The following THRB variants were observed in gnomAD, a reference collection of about 807,000 sequenced individuals.
THRB encodes thyroid hormone receptor beta.
A neutral mutation model predicts 47.8 loss-of-function variants in THRB; 12 were observed. The ratio of observed to expected loss-of-function variants is 0.25; its 90% CI spans 0.16 to 0.41. The LOEUF (loss-of-function observed/expected upper bound fraction) is 0.41, where lower values mean the gene tolerates loss of function less well. Ranked by LOEUF, THRB falls within the 10% of genes least tolerant of loss-of-function variation. The probability of loss-of-function intolerance (pLI) is 1.00; values close to 1 mark genes in which losing one functional copy is unlikely to be tolerated. For missense variants in THRB, 348 were observed against 589.2 expected (o/e 0.59, Z 4.24); for synonymous variants, 218 against 212.2 (o/e 1.03, Z -0.24).
At chr3:24,349,573 G>GT (rs2063234950) in intron 1 of THRB, among the ~76,000 whole-genome samples, 1 of 152,092 alleles carries the variant, frequency 6.6e-6, no homozygotes, top group Non-Finnish European at 1.5e-5. Context: ...ATCATTAAAG[G>GT]TGACACTGCA....
rs879457499 is a variant in THRB at position 24,444,514 on chromosome 3, A to G, written c.-261+50138T>C. 4.1e-4 allele frequency among the ~76,000 whole-genome samples: 62 copies of G among 152,230 alleles called. 2 individuals are homozygous for G. Among genetic ancestry groups the G allele is most frequent in the South Asian group, 8.3e-4 (4 of 4,834 alleles). Reference sequence around the variant, plus strand: ...TCATATCACATAAGACTTGAAAAAGAGATATTTTGAAATTATTGAAAATTG... The same window carrying G: ...TCATATCACATAAGACTTGAAAAAGGGATATTTTGAAATTATTGAAAATTG... On this transcript the variant is annotated intron_variant, in intron 1 of 10. Coordinates refer to ENST00000646209, the MANE Select transcript of THRB (RefSeq NM_001354712.2).
At chr3:24,364,172 G>A (rs1483037099) in intron 1 of THRB, among the ~76,000 whole-genome samples, 1 of 152,126 alleles carries the variant, frequency 6.6e-6, no homozygotes, top group African/African-American at 2.4e-5. Flanking sequence ...AAAGCATATG[G>A]TGGTAAAAAA....
In THRB at chr3:24,140,792, G is replaced by T. The variant is rs575132330; in HGVS notation, c.738+2709C>A. ...TCTACCTCTCCCAGAGAGAGAACGG[G>T]CTGTGTATACAGAGATGAGAAATAA... On this transcript the variant is annotated intron_variant, in intron 8 of 10. Coordinates refer to ENST00000646209, the MANE Select transcript of THRB (RefSeq NM_001354712.2). Among the ~76,000 whole-genome samples the T allele has an allele frequency of 6.6e-5, 10 of 152,312 alleles. No individual in the cohort carries two copies. In the South Asian group the frequency reaches 1.7e-3, roughly 25 times the overall value.
intron 1 of THRB, among the ~76,000 whole-genome samples, chr3:24,380,507 C>T (rs927929389): frequency 6.6e-6 from 1 of 152,070 alleles, no homozygotes; most frequent in African/African-American, 2.4e-5. Flanking sequence ...GAATTCCTAT[C>T]CCTTTCAAGT....
chr3:24,156,441 T>C (rs2037849751), intron 5 of THRB, among the ~76,000 whole-genome samples: 1 of 152,202 alleles, frequency 6.6e-6, no homozygotes, highest in Non-Finnish European at 1.5e-5. Flanking sequence ...ATCTAAAATA[T>C]AAGGTGCTGC....
rs534847208 is a variant in THRB, at chr3:24,289,268, A to G, written c.-43+7958T>C. ...TTTAGGTAGACAACTTCACTATGAG[A>G]AAGATGTTTCATAAACTGTATCACA... On this transcript the variant is annotated intron_variant, in intron 3 of 10. Transcript: ENST00000646209. 3.3e-5 allele frequency among the ~76,000 whole-genome samples: 5 copies of G among 152,362 alleles called. No individual in the cohort carries two copies. The East Asian group carries it at 5.8e-4, about 18-fold the overall frequency.
chr3:24,312,178 C>T (rs1000562006), intron 2 of THRB, among the ~76,000 whole-genome samples: 4 of 152,226 alleles, frequency 2.6e-5, no homozygotes, highest in African/African-American at 7.2e-5. Flanking sequence ...TTTTCCTGAC[C>T]TCTCAAGTCA....
intron 5 of THRB, among the ~76,000 whole-genome samples, chr3:24,188,554 T>C (rs763346824): frequency 1.3e-5 from 2 of 152,054 alleles, no homozygotes; most frequent in Admixed American, 6.6e-5. Flanking sequence ...TGAATGAATA[T>C]TGGTATCAAT....
chr3:24,266,848 G>A (rs566453259), intron 3 of THRB, among the ~76,000 whole-genome samples: 1 of 152,024 alleles, frequency 6.6e-6, no homozygotes, highest in South Asian at 2.1e-4. Context: ...AAGATGAAAA[G>A]ATATAACATG....
rs573722141 is a variant in THRB at position 24,278,820 on chromosome 3, T to C, written c.-43+18406A>G. Among the ~76,000 whole-genome samples, 4 of 152,256 alleles carry C rather than the reference T, an allele frequency of 2.6e-5. No individual in the cohort carries two copies. In the East Asian group the frequency reaches 7.7e-4, roughly 29 times the overall value. On this transcript the variant is annotated intron_variant, in intron 3 of 10. Coordinates refer to ENST00000646209, the MANE Select transcript of THRB (RefSeq NM_001354712.2). ...TCACTGATGAATATGCACCATTCAT[T>C]CCTTACATTTATATTACATTTATTT...
chr3:24,150,346 GT>G (rs759171722), intron 6 of THRB, among the ~76,000 whole-genome samples: 1 of 152,056 alleles, frequency 6.6e-6, no homozygotes, highest in Admixed American at 6.5e-5. Context: ...TGAAAAACTC[GT>G]TTGTCTTTTT....
chr3:24,350,584 T>TA (rs2063303275), intron 1 of THRB, among the ~76,000 whole-genome samples: 1 of 152,180 alleles, frequency 6.6e-6, no homozygotes, highest in Non-Finnish European at 1.5e-5. Flanking sequence ...GGCCATTATA[T>TA]ACAGTTCAAA....
At chr3:24,460,307 A>G (rs556042208) in intron 1 of THRB, among the ~76,000 whole-genome samples, 133 of 152,328 alleles carry the variant, frequency 8.7e-4, no homozygotes, top group African/African-American at 2.7e-3. Context: ...GGTTTAAATT[A>G]TAAAGCAAAC....
chr3:24,493,381 A>T (rs760208074), intron 1 of THRB, among the ~76,000 whole-genome samples: 1 of 152,240 alleles, frequency 6.6e-6, no homozygotes, highest in Non-Finnish European at 1.5e-5. Flanking sequence ...ACTAAAGCCA[A>T]ATAATGTGAA....
At chr3:24,205,153 C>T (rs940242939) in intron 4 of THRB, among the ~76,000 whole-genome samples, 58 of 152,270 alleles carry the variant, frequency 3.8e-4, no homozygotes, top group African/African-American at 1.3e-3. Flanking sequence ...AGACAGACAA[C>T]ACCACAAAGA....
At position 24,143,438 on chromosome 3, in the gene THRB, G is replaced by A. The variant is rs575886093; in HGVS notation, c.738+63C>T. ...CCAGTATCCCAAGGTGATGAGGACT[G>A]AATAAATTGAGGTAGAAAACACTGG... is the stretch of plus-strand genomic sequence containing the variant. On this transcript the variant is annotated intron_variant, in intron 8 of 10. Coordinates refer to ENST00000646209, the MANE Select transcript of THRB (RefSeq NM_001354712.2). 3.7e-5 allele frequency: 55 copies of A among 1,504,352 alleles called. No individual in the cohort carries two copies. The South Asian group carries it at 5.9e-4, about 16-fold the overall frequency. 93.2% of individuals were successfully genotyped at this position (1,504,352 alleles called of 1,614,324 possible). A position where few individuals can be genotyped will look rare whatever the true frequency, so the allele number is the denominator to read the frequency against.
intron 3 of THRB, among the ~76,000 whole-genome samples, chr3:24,241,221 T>C (rs1390936312): frequency 6.6e-6 from 1 of 151,868 alleles, no homozygotes; most frequent in Admixed American, 6.6e-5. Flanking sequence ...CCACACAGGA[T>C]GCAGAAAAAG....
Position 24,190,094 on chromosome 3 carries a change from G to A in THRB, c.263C>T (p.Thr88Met), listed in dbSNP as rs375817357. The A allele has an allele frequency of 2.2e-5, 35 of 1,613,826 alleles. No homozygotes were observed. Among genetic ancestry groups the A allele is most frequent in the Non-Finnish European group, 2.5e-5 (30 of 1,179,900 alleles). The change falls in exon 5 of 11, where the codon ACG becomes ATG. Residue 88 changes from threonine (T) to methionine (M), a missense_variant. By Grantham distance (81) the Thr-to-Met change is moderately conservative. Around this residue, in one of 5 missense-constraint regions of THRB, gnomAD observed 148 missense variants for 122.3 expected, o/e 1.21. Coordinates refer to ENST00000646209, the MANE Select transcript of THRB (RefSeq NM_001354712.2). ...GTTACCTTTACATTTCTTCTCCTCC[G>A]TTTGGAAGGTCTGGGCACTTGAGAC... The part of the protein sequence containing the change: ...QSVSSAQTFQ[T>M]EEKKCKGYIP...
At chr3:24,165,550 T>C (rs1375259558) in intron 5 of THRB, 1 of 556,144 alleles carries the variant, frequency 1.8e-6, no homozygotes, top group Non-Finnish European at 3.2e-6. Flanking sequence ...TAGCACCTGA[T>C]GTGCTAAAAT....
Sources: gnomAD v4.1 joint callset for allele counts (sites outside exome capture counted in the v4.1 genomes callset) on GRCh38, gnomAD v4.1.1 for gene constraint, gnomAD v4.1.1 regional missense constraint, MANE v1.5 for transcripts, NCBI Gene and HGNC (gene_info 2026-07-23, HGNC 2026-07-21) for gene names.